The following METTL15 variants were observed in gnomAD, a reference collection of about 807,000 sequenced individuals.
The protein encoded by METTL15 is 12S rRNA N(4)-cytidine methyltransferase METTL15.
A neutral mutation model predicts 38.3 loss-of-function variants in METTL15; 34 were observed. The observed-to-expected ratio is 0.89, with a 90% CI of 0.68 to 1.18. METTL15 has a LOEUF of 1.18. METTL15 is among the 50% of genes most tolerant of loss of function. The pLI is 0.00. For missense variants in METTL15, 438 were observed against 498.4 expected (o/e 0.88, Z 1.15); for synonymous variants, 162 against 170.9 (o/e 0.95, Z 0.41).
chr11:28,314,036 AG>A (rs1191653417), intron 6 of METTL15, among the ~76,000 whole-genome samples: 2 of 152,202 alleles, frequency 1.3e-5, no homozygotes, highest in Admixed American at 1.3e-4. Flanking sequence ...AAGTTGGAGG[AG>A]GAAGTTCAGT....
At chr11:28,385,740 C>T (rs1384617542) in intron 5 of METTL15, among the ~76,000 whole-genome samples, 1 of 151,994 alleles carries the variant, frequency 6.6e-6, no homozygotes, top group Non-Finnish European at 1.5e-5. Context: ...GCAGTATGGC[C>T]ATTTTAACAA....
intron 5 of METTL15, among the ~76,000 whole-genome samples, chr11:28,396,219 A>T (rs1406587020): frequency 1.3e-5 from 2 of 152,196 alleles, no homozygotes; most frequent in Non-Finnish European, 2.9e-5. Flanking sequence ...CTCCTATTCA[A>T]CGTAGTGTTG....
chr11:28,341,612 G>A (rs1317255138), intron 3 of METTL15, among the ~76,000 whole-genome samples: 1 of 151,910 alleles, frequency 6.6e-6, no homozygotes, highest in African/African-American at 2.4e-5. Context: ...TTATAAGGTG[G>A]GTGTATTAAA....
At position 28,492,525 on chromosome 11, in the gene METTL15, C is replaced by T. The variant is rs1851503600; in HGVS notation, c.*425-33953C>T. On this transcript the variant is annotated intron_variant and NMD_transcript_variant, in intron 6 of 7. Transcript: ENST00000532947. ...TTTAGAAAAGGCAACTGGAGCCACA[C>T]ACACACACACACACACACACATACA... 2.1e-5 allele frequency among the ~76,000 whole-genome samples: 3 copies of T among 141,872 alleles called. No homozygotes were observed. The South Asian group carries it at 6.2e-4, about 30-fold the overall frequency. 93.1% of individuals were successfully genotyped at this position (141,872 alleles called of 152,430 possible).
At chr11:28,353,477 G>A (rs1247709187) in intron 4 of METTL15, among the ~76,000 whole-genome samples, 12 of 152,166 alleles carry the variant, frequency 7.9e-5, no homozygotes, top group Non-Finnish European at 1.5e-5. Flanking sequence ...GATTATGTCT[G>A]TTAGAGGAAG....
chr11:28,351,508 T>C (rs1031757553), intron 3 of METTL15, among the ~76,000 whole-genome samples: 1 of 152,206 alleles, frequency 6.6e-6, no homozygotes, highest in Non-Finnish European at 1.5e-5. Flanking sequence ...CCCACATGTC[T>C]ATACCAATCT....
chr11:28,352,093 G>T (rs1850046648), exon 4 of METTL15: 1 of 152,178 alleles, frequency 6.6e-6, no homozygotes, highest in African/African-American at 2.4e-5. Flanking sequence ...TTTGCAGGTT[G>T]CACTGGAGAA....
At chr11:28,218,308 C>A (rs541976873) in intron 4 of METTL15, among the ~76,000 whole-genome samples, 1 of 152,114 alleles carries the variant, frequency 6.6e-6, no homozygotes, top group African/African-American at 2.4e-5. Flanking sequence ...GTGTGTTATT[C>A]TCTTTGAAGC....
Position 28,216,437 on chromosome 11 carries a change from T to G in METTL15, c.407+5239T>G, listed in dbSNP as rs550626859. 9.9e-5 allele frequency among the ~76,000 whole-genome samples: 15 copies of G among 152,170 alleles called. No individual in the cohort carries two copies. The South Asian group carries it at 3.1e-3, about 32-fold the overall frequency. ...CCTGTCAGACTTGAAGAAAGTAAAA[T>G]AGATCCATTTCAAAATTTGGATTCA... is the stretch of plus-strand genomic sequence containing the variant. On this transcript the variant is annotated intron_variant, in intron 4 of 6. Transcript: ENST00000407364.
At chr11:28,443,235 A>G (rs980484437) in intron 6 of METTL15, among the ~76,000 whole-genome samples, 8 of 151,942 alleles carry the variant, frequency 5.3e-5, no homozygotes, top group Admixed American at 2.0e-4. Flanking sequence ...GACATCACTG[A>G]TCATTCCCTT....
At chr11:28,198,491 G>A (rs577501760) in intron 3 of METTL15, among the ~76,000 whole-genome samples, 1 of 152,178 alleles carries the variant, frequency 6.6e-6, no homozygotes, top group South Asian at 2.1e-4. Flanking sequence ...TGCAGAATTA[G>A]GCAGAATGAG....
rs71050961 is a variant in METTL15, at chr11:28,479,057, T to TTGTGTGTGTG, written c.*425-47391_*425-47382dup. Among the ~76,000 whole-genome samples the TTGTGTGTGTG allele has an allele frequency of 1.2e-3, 183 of 146,826 alleles. 1 individual carries two copies. The highest frequency in any genetic ancestry group is 4.5e-3 in the African/African-American group (181 of 40,320). On this transcript the variant is annotated intron_variant and NMD_transcript_variant, in intron 6 of 7. Coordinates refer to the METTL15 transcript ENST00000532947. ...ACTCTAGTTTTTTGCTTATTTCTCTTTGTGTGTGTGTGTGTGTGTGTGTGT... is the reference window on the plus strand; with the variant it reads ...ACTCTAGTTTTTTGCTTATTTCTCTTTGTGTGTGTGTGTGTGTGTGTGTGTGTGTGTGTGT...
chr11:28,492,467 C>A (rs772276426), intron 6 of METTL15, among the ~76,000 whole-genome samples: 2 of 151,776 alleles, frequency 1.3e-5, no homozygotes, highest in Non-Finnish European at 2.9e-5. Flanking sequence ...ACTTCGTATT[C>A]TTGCTGTGTG....
At chr11:28,321,334 A>G (rs1244329075) in intron 6 of METTL15, among the ~76,000 whole-genome samples, 2 of 152,206 alleles carry the variant, frequency 1.3e-5, no homozygotes. Context: ...AAAAAAGTGA[A>G]TGATCTGAAA....
chr11:28,360,229 C>T (rs1850125167), intron 4 of METTL15, among the ~76,000 whole-genome samples: 1 of 152,162 alleles, frequency 6.6e-6, no homozygotes. Flanking sequence ...AAAGTGCTTT[C>T]CCAATAGACA....
chr11:28,193,867 A>ACT (rs992990977), intron 3 of METTL15, among the ~76,000 whole-genome samples: 1 of 151,850 alleles, frequency 6.6e-6, no homozygotes, highest in Admixed American at 6.6e-5. Flanking sequence ...TAAAGTCCAG[A>ACT]CTCTTTAGTT....
chr11:28,233,696 A>G (rs558052627), intron 4 of METTL15, among the ~76,000 whole-genome samples: 3 of 152,114 alleles, frequency 2.0e-5, no homozygotes, highest in African/African-American at 7.2e-5. Flanking sequence ...TCACTCAGCT[A>G]ACATCCAAGT....
At chr11:28,486,289 G>A (rs1490751672) in intron 6 of METTL15, among the ~76,000 whole-genome samples, 1 of 152,110 alleles carries the variant, frequency 6.6e-6, no homozygotes, top group African/African-American at 2.4e-5. Flanking sequence ...AGGAAAGTCT[G>A]TGGGAGCCTT....
intron 3 of METTL15, among the ~76,000 whole-genome samples, chr11:28,345,844 G>A (rs1209789760): frequency 6.6e-6 from 1 of 152,178 alleles, no homozygotes; most frequent in African/African-American, 2.4e-5. Context: ...TTAAAAGATG[G>A]TGTCTATTCT....
Sources: allele counts gnomAD v4.1 joint callset (sites outside exome capture counted in the v4.1 genomes callset), GRCh38; gene constraint gnomAD v4.1.1; transcripts MANE v1.5; gene names NCBI Gene and HGNC (gene_info 2026-07-23, HGNC 2026-07-21).